The following USP30 variants were observed in gnomAD, a reference collection of about 807,000 sequenced individuals.
USP30 encodes ubiquitin carboxyl-terminal hydrolase 30.
USP30 carries 41 observed loss-of-function variants against 68.2 expected under a neutral mutation model. The ratio of observed to expected loss-of-function variants is 0.60; its 90% CI spans 0.47 to 0.78. USP30 has a LOEUF of 0.78. Among genes scored for constraint, USP30 ranks in the 30% least tolerant of loss-of-function variants. USP30 has a pLI of 0.00. For synonymous variants in USP30, 229 were observed against 253.7 expected, an observed-to-expected ratio of 0.90 and a Z score of 0.93; for missense variants, 522 against 649.4, an observed-to-expected ratio of 0.80 and a Z score of 2.13.
chr12:109,025,756 G>A (rs1231987233), intron 2 of USP30, among the ~76,000 whole-genome samples: 1 of 151,140 alleles, frequency 6.6e-6, no homozygotes, highest in Non-Finnish European at 1.5e-5. Flanking sequence ...ACTGCAGCCT[G>A]GACAGTAATC....
At position 109,085,914 on chromosome 12, in the gene USP30, T is replaced by G. The variant is rs1407021161; in HGVS notation, c.1537T>G (p.Cys513Gly). 1.2e-6 allele frequency: 2 copies of G among 1,613,658 alleles called. No individual in the cohort carries two copies. Among genetic ancestry groups the G allele is most frequent in the Non-Finnish European group, 8.5e-7 (1 of 1,179,756 alleles). Residue 513 changes from cysteine (C) to glycine (G), a missense_variant, in exon 13 of 13, where the codon TGC becomes GGC. Coordinates refer to ENST00000257548, the MANE Select transcript of USP30 (RefSeq NM_032663.5). ...LSRMQHQSQE[C>G]KSEE is the part of the protein sequence containing the mutation. ...CAGGATGCAGCACCAGAGCCAGGAG[T>G]GCAAGTCTGAAGAATGACTGTGCCC...
At chr12:109,062,559 A>C (rs539361758) in intron 3 of USP30, among the ~76,000 whole-genome samples, 1 of 149,072 alleles carries the variant, frequency 6.7e-6, no homozygotes, top group African/African-American at 2.5e-5. Context: ...CAATCTCCTG[A>C]CCTCGTGATC....
At chr12:109,083,166 G>C in intron 11 of USP30, 104 bp downstream of exon 11, 1 of 1,151,304 alleles carries the variant, frequency 8.7e-7, no homozygotes, top group Non-Finnish European at 1.2e-6. Context: ...CACAAGGCTT[G>C]TACAATGGTG....
chr12:109,025,836 C>A (rs190526107), intron 2 of USP30, among the ~76,000 whole-genome samples: 1 of 151,650 alleles, frequency 6.6e-6, no homozygotes, highest in African/African-American at 2.4e-5. Flanking sequence ...TACAAGTGTG[C>A]ACCACCACAC....
chr12:109,033,307 A>G (rs2040495771), intron 3 of USP30, among the ~76,000 whole-genome samples: 1 of 152,238 alleles, frequency 6.6e-6, no homozygotes, highest in Non-Finnish European at 1.5e-5. Flanking sequence ...GAGGTTTTAT[A>G]AAATGGAGAA....
chr12:109,083,981 T>C (rs545577645), intron 11 of USP30, among the ~76,000 whole-genome samples: 2 of 152,246 alleles, frequency 1.3e-5, no homozygotes, highest in East Asian at 1.9e-4. Flanking sequence ...TGGTTTTAAA[T>C]CAAAGACCTC....
chr12:109,061,852 T>C (rs968830178), intron 3 of USP30, among the ~76,000 whole-genome samples: 2 of 152,226 alleles, frequency 1.3e-5, no homozygotes, highest in African/African-American at 2.4e-5. Context: ...AAGCTATAGG[T>C]GAATCCTTCC....
intron 7 of USP30, among the ~76,000 whole-genome samples, chr12:109,075,350 G>A (rs6606740): frequency 0.7 from 105,697 of 151,958 alleles, 38,217 homozygotes; most frequent in East Asian, 0.97. Context: ...CACTTGTTAC[G>A]TGCTGTCTTT....
chr12:109,058,911 C>T (rs1197340591), intron 3 of USP30, among the ~76,000 whole-genome samples: 1 of 152,228 alleles, frequency 6.6e-6, no homozygotes, highest in African/African-American at 2.4e-5. Context: ...TACATCCATA[C>T]ACCGCTGAGA....
chr12:109,041,065 T>A (rs2040561054), intron 3 of USP30, among the ~76,000 whole-genome samples: 1 of 152,226 alleles, frequency 6.6e-6, no homozygotes, highest in South Asian at 2.1e-4. Flanking sequence ...TCAGGTCCTC[T>A]GTTTCCTCAT....
At chr12:109,079,810 T>C (rs2041742197) in intron 7 of USP30, among the ~76,000 whole-genome samples, 1 of 152,208 alleles carries the variant, frequency 6.6e-6, no homozygotes, top group South Asian at 2.1e-4. Context: ...TCATTCACTG[T>C]CACTGTATAT....
At chr12:109,059,726 A>G (rs946975241) in intron 3 of USP30, among the ~76,000 whole-genome samples, 2 of 150,960 alleles carry the variant, frequency 1.3e-5, no homozygotes, top group Non-Finnish European at 3.0e-5. Context: ...TTAGCCAGAC[A>G]TGTCTCGAAC....
chr12:109,081,842 A>G, intron 8 of USP30, 91 bp from the exon 9 acceptor site: 2 of 1,304,788 alleles, frequency 1.5e-6, no homozygotes, highest in South Asian at 2.4e-5. Flanking sequence ...ATACATCAAA[A>G]TAAAGCTCTG....
chr12:109,062,618 G>A (rs959620834), intron 3 of USP30, among the ~76,000 whole-genome samples: 14 of 152,012 alleles, frequency 9.2e-5, no homozygotes, highest in East Asian at 3.9e-4. Flanking sequence ...TTGAGCCACC[G>A]CGCCCAGCCT....
At chr12:109,071,785 T>A in intron 5 of USP30, 75 bp downstream of exon 5, 1 of 1,338,924 alleles carries the variant, frequency 7.5e-7, no homozygotes, top group Non-Finnish European at 1.0e-6. Context: ...GCAAGTGTAA[T>A]CTTTGTACAA....
At chr12:109,043,653 G>T (rs1456027957) in intron 3 of USP30, among the ~76,000 whole-genome samples, 1 of 152,150 alleles carries the variant, frequency 6.6e-6, no homozygotes, top group African/African-American at 2.4e-5. Flanking sequence ...AAACCTTTGT[G>T]ACATTGGATT....
intron 2 of USP30, among the ~76,000 whole-genome samples, chr12:109,026,494 C>G (rs919050580): frequency 2.0e-5 from 3 of 150,984 alleles, no homozygotes; most frequent in Non-Finnish European, 4.4e-5. Flanking sequence ...GACAGGGTCT[C>G]TGTCACTCAG....
chr12:109,024,623 C>A (rs997043847), intron 1 of USP30, among the ~76,000 whole-genome samples: 1 of 151,134 alleles, frequency 6.6e-6, no homozygotes, highest in Non-Finnish European at 1.5e-5. Flanking sequence ...GGTAAAGCAG[C>A]ATTTTTTTTT....
intron 3 of USP30, among the ~76,000 whole-genome samples, chr12:109,036,147 G>A (rs1448578890): frequency 6.6e-6 from 1 of 152,162 alleles, no homozygotes; most frequent in Non-Finnish European, 1.5e-5. Context: ...GTGATAGAGT[G>A]AGATCCTGTC....
Sources: allele counts gnomAD v4.1 joint callset (sites outside exome capture counted in the v4.1 genomes callset), GRCh38; gene constraint gnomAD v4.1.1; transcripts MANE v1.5; gene names NCBI Gene and HGNC (gene_info 2026-07-23, HGNC 2026-07-21).